Variants in PES1 observed in about 807,000 individuals in gnomAD.
The protein encoded by PES1 is pescadillo homolog.
In PES1, 31 loss-of-function variants were observed where a neutral mutation model predicts 77.1. That is an observed-to-expected ratio of 0.40 (90% CI 0.30 to 0.54). The LOEUF (loss-of-function observed/expected upper bound fraction) is 0.54. Ranked by LOEUF, PES1 falls within the 20% of genes least tolerant of loss-of-function variation. The pLI is 0.45. For synonymous variants in PES1, 282 were observed against 303.0 expected (o/e 0.93, Z 0.72); for missense variants, 658 against 771.7 (o/e 0.85, Z 1.75).
chr22:30,585,788 G>C (rs1602014602), intron 4 of PES1, among the ~76,000 whole-genome samples: 2 of 151,828 alleles, frequency 1.3e-5, no homozygotes, highest in South Asian at 2.1e-4. Context: ...AAATCCATGA[G>C]ACCAGACATT....
At chr22:30,580,207 TAC>T (rs774880372) in intron 10 of PES1, 29 bp from the exon 11 acceptor site, 19 of 1,591,376 alleles carry the variant, frequency 1.2e-5, no homozygotes, top group Non-Finnish European at 1.6e-5. Flanking sequence ...CCCACACGGG[TAC>T]ACAGACATGA....
At chr22:30,591,979 CAG>C, upstream of PES1, 2 of 1,384,820 alleles carry the variant, frequency 1.4e-6, no homozygotes, top group Non-Finnish European at 1.9e-6. Flanking sequence ...TGTACAAGTC[CAG>C]GGAAAGATGG....
At chr22:30,591,945 G>A (rs754753558), upstream of PES1, 11 of 1,448,782 alleles carry the variant, frequency 7.6e-6, no homozygotes, top group South Asian at 1.4e-5. Context: ...CTGTCTGTTT[G>A]TGCGGGCTGC....
rs1383425771 is a variant in PES1 at position 30,576,954 on chromosome 22, A to C, written c.*92T>G. 11 of 1,022,608 alleles carry C rather than the reference A, an allele frequency of 1.1e-5. No individual in the cohort carries two copies. The highest frequency in any genetic ancestry group is 1.5e-5 in the Non-Finnish European group (10 of 646,318). The allele number at this position is 1,022,608 out of a possible 1,614,324, so 63.3% of individuals were successfully genotyped here. On this transcript the variant is annotated 3_prime_UTR_variant, in exon 15 of 15. Transcript: ENST00000354694. ...GCTGGAGAAAGGAGGAGGAGAAGTG[A>C]CTCTGGTCCATCACACTTAGGTCCT...
At position 30,576,722 on chromosome 22, in the gene PES1, A is replaced by T. The variant is rs1047301612; in HGVS notation, c.*324T>A. 13 of 392,392 alleles carry T rather than the reference A, an allele frequency of 3.3e-5. No homozygotes were observed. Among genetic ancestry groups the T allele is most frequent in the Admixed American group, 8.1e-5 (2 of 24,568 alleles). The allele number at this position is 392,392 out of a possible 1,614,324, so 24.3% of individuals were successfully genotyped here. ...AGAATCACGGGTCCAACTGTGTGGG[A>T]GGGGGCTGTGGAAAGCCAGGATGAA... is the stretch of plus-strand genomic sequence containing the variant. On this transcript the variant is annotated 3_prime_UTR_variant, in exon 15 of 15. Coordinates refer to ENST00000354694, the MANE Select transcript of PES1 (RefSeq NM_014303.4).
At chr22:30,600,830 A>C (rs976902238) in intron 2 of PES1, among the ~76,000 whole-genome samples, 74 of 152,278 alleles carry the variant, frequency 4.9e-4, no homozygotes, top group Non-Finnish European at 2.9e-5. Context: ...AACAAAACAA[A>C]AAAAAATTGG....
chr22:30,583,417 G>C lies in PES1; in HGVS notation c.630+948C>G, dbSNP rs577301401. Among the ~76,000 whole-genome samples, 4 of 152,240 alleles carry C rather than the reference G, an allele frequency of 2.6e-5. No homozygotes were observed. The East Asian group carries it at 7.7e-4, about 29-fold the overall frequency. ...GGAGCCCCTGATAATCTGGGCAGCA[G>C]AGCCACTGTGCTAACTGGACCGGCA... On this transcript the variant is annotated intron_variant, in intron 6 of 14. Transcript: ENST00000354694.
intron 6 of PES1, among the ~76,000 whole-genome samples, chr22:30,583,044 T>C (rs1424245575): frequency 6.6e-6 from 1 of 152,102 alleles, no homozygotes; most frequent in Non-Finnish European, 1.5e-5. Flanking sequence ...GGGCCAGCTG[T>C]GTGGAGGCCG....
chr22:30,580,461 T>A, intron 10 of PES1, 110 bp downstream of exon 10: 4 of 1,418,440 alleles, frequency 2.8e-6, no homozygotes, highest in Non-Finnish European at 3.9e-6. Flanking sequence ...CACTGTTTCA[T>A]AAGAAGTGGA....
rs150260486 is a variant in PES1 at position 30,591,877 on chromosome 22, C to T, written c.-44G>A. On this transcript the variant is annotated 5_prime_UTR_variant, in exon 1 of 15. Transcript: ENST00000354694. ...CGACTAGGGCCGCGCGTACAGGGAG[C>T]TCCACTTCCTCCCGCACGTGCCCTG... 7,161 of 1,535,904 alleles carry T rather than the reference C, an allele frequency of 4.7e-3. 525 individuals carry two copies. The Admixed American group carries it at 0.13, about 28-fold the overall frequency.
chr22:30,579,960 C>T (rs375672043), intron 11 of PES1, 25 bp from the exon 12 acceptor site: 56 of 1,611,242 alleles, frequency 3.5e-5, no homozygotes, highest in Admixed American at 3.2e-4. Context: ...CAGGCAAAAA[C>T]GAGTCACAGA....
chr22:30,579,928 C>A lies in PES1; in HGVS notation c.1177G>T (p.Val393Leu), dbSNP rs374982898. The A allele has an allele frequency of 2.5e-6, 4 of 1,613,710 alleles. No homozygotes were observed. In the African/African-American group the frequency reaches 5.3e-5, roughly 22 times the overall value. The stretch of plus-strand genomic sequence containing the variant: ...GAGTCAAACACCCACTGGGGCTGCA[C>A]GTAGCACCTGGCGCAGAGTGGCAGG... The part of the protein sequence containing the change: ...QQTSVIGRCY[V>L]QPQWVFDSVN... Residue 393 changes from valine to leucine, a missense_variant, in exon 12 of 15, where the codon GTG becomes TTG. Coordinates refer to ENST00000354694, the MANE Select transcript of PES1 (RefSeq NM_014303.4).
intron 1 of PES1, among the ~76,000 whole-genome samples, chr22:30,589,842 C>T (rs1488446523): frequency 6.6e-6 from 1 of 152,070 alleles, no homozygotes. Flanking sequence ...TATTAGACAC[C>T]CCCTTCCTCC....
upstream of PES1, among the ~76,000 whole-genome samples, chr22:30,594,239 G>T (rs1042009110): frequency 6.6e-6 from 1 of 152,214 alleles, no homozygotes; most frequent in African/African-American, 2.4e-5. Context: ...ACAAAAATTT[G>T]CTGGGCATGG....
chr22:30,584,262 C>G, intron 6 of PES1, 103 bp downstream of exon 6: 1 of 908,730 alleles, frequency 1.1e-6, no homozygotes, highest in Non-Finnish European at 1.8e-6. Context: ...GTTGGGAACC[C>G]AGCACTTGCT....
In PES1 at chr22:30,584,219, G is replaced by A. The variant is rs182670747; in HGVS notation, c.630+146C>T. 259 of 664,712 alleles carry A rather than the reference G, an allele frequency of 3.9e-4. 1 individual carries two copies. The African/African-American group carries it at 4.0e-3, about 10-fold the overall frequency. 41.2% of individuals were successfully genotyped at this position (664,712 alleles called of 1,614,324 possible). A position where few individuals can be genotyped will look rare whatever the true frequency, so the allele number is the denominator to read the frequency against. On this transcript the variant is annotated intron_variant, in intron 6 of 14. Coordinates refer to ENST00000354694, the MANE Select transcript of PES1 (RefSeq NM_014303.4). ...CCGCTCTTAATGAGGATGCTGTGTGGCACATTCTGCCGCGCCTCACCCCTC... is the reference window on the plus strand; with the variant it reads ...CCGCTCTTAATGAGGATGCTGTGTGACACATTCTGCCGCGCCTCACCCCTC...
intron 1 of PES1, 129 bp downstream of exon 1, chr22:30,591,681 G>A (rs529411054): frequency 4.8e-6 from 5 of 1,034,262 alleles, no homozygotes; most frequent in Admixed American, 5.8e-5. Context: ...CCTTCTCGCA[G>A]CTGATTACGG....
chr22:30,588,199 T>A (rs746915823), intron 2 of PES1, 25 bp from the exon 3 acceptor site: 1 of 1,614,034 alleles, frequency 6.2e-7, no homozygotes, highest in East Asian at 2.2e-5. Context: ...CCATCTGTTA[T>A]GTCAGTTATG....
intron 4 of PES1, chr22:30,587,000 C>T: frequency 2.6e-6 from 1 of 388,928 alleles, no homozygotes; most frequent in East Asian, 5.2e-5. Context: ...AGCCCTGGGG[C>T]TCTCCCACCA....
Sources: gnomAD v4.1 joint callset for allele counts (sites outside exome capture counted in the v4.1 genomes callset) on GRCh38, gnomAD v4.1.1 for gene constraint, MANE v1.5 for transcripts, NCBI Gene and HGNC (gene_info 2026-07-23, HGNC 2026-07-21) for gene names.